The following NAP1L3 variants were observed in gnomAD, a reference collection of about 807,000 sequenced individuals.
NAP1L3 encodes nucleosome assembly protein 1 like 3.
For synonymous variants in NAP1L3, 127 were observed against 131.9 expected (o/e 0.96, Z 0.25); for missense variants, 378 against 369.9 (o/e 1.02, Z -0.18).
chrX:93,673,569 G>T lies in NAP1L3; in HGVS notation c.-265C>A. 5.7e-6 allele frequency: 2 copies of T among 353,331 alleles called. No individual in the cohort carries two copies. Among genetic ancestry groups the T allele is most frequent in the Non-Finnish European group, 1.0e-5 (2 of 200,944 alleles). 29.1% of individuals were successfully genotyped at this position (353,331 alleles called of 1,213,427 possible). A position where few individuals can be genotyped will look rare whatever the true frequency, so the allele number is the denominator to read the frequency against. On this transcript the variant is annotated 5_prime_UTR_variant, in exon 1 of 1. Coordinates refer to ENST00000373079, the MANE Select transcript of NAP1L3 (RefSeq NM_004538.6). ...GTGCCGAGATGTACCGCAGCCGAAT[G>T]GCGCAGTATGAGACCCCGAGATCTC...
Position 93,672,024 on chromosome X carries a change from A to T in NAP1L3, c.1281T>A (p.Ile427=). 1 of 1,199,884 alleles carries T rather than the reference A, an allele frequency of 8.3e-7. No individual in the cohort carries two copies. Among genetic ancestry groups the T allele is most frequent in the Non-Finnish European group, 1.1e-6 (1 of 888,496 alleles). The change falls in exon 1 of 1, where the codon ATT becomes ATA. Residue 427 remains isoleucine (I), a synonymous_variant. Transcript: ENST00000373079. ...TQSRTTATGE[I]EIQPRVVPNA... is the part of the protein sequence containing the mutation. ...TAGGAACCACTCTTGGCTGGATTTC[A>T]ATTTCTCCAGTAGCAGTTGTGCGAC...
Position 93,672,653 on chromosome X carries a change from C to T in NAP1L3, c.652G>A (p.Asp218Asn), listed in dbSNP as rs781623443. Residue 218 changes from aspartate (D) to asparagine (N), a missense_variant, in exon 1 of 1, where the codon GAT (aspartate) becomes AAT (asparagine). Physicochemically the swap from Asp to Asn is conservative, Grantham distance 23. Coordinates refer to ENST00000373079, the MANE Select transcript of NAP1L3 (RefSeq NM_004538.6). Reference protein sequence around the residue: ...EVPKEIPEVKDEEKEVPKEIP... With the variant: ...EVPKEIPEVKNEEKEVPKEIP... ...TCTTTAGGAACTTCCTTTTCTTCAT[C>T]CTTCACCTCAGGAATTTCTTTAGGA... 33 of 1,208,888 alleles carry T rather than the reference C, an allele frequency of 2.7e-5. No individual in the cohort carries two copies. The highest frequency in any genetic ancestry group is 3.5e-5 in the African/African-American group (2 of 56,880).
In NAP1L3 at chrX:93,671,790, T is replaced by G; in HGVS notation, c.1515A>C (p.Arg505Ser). 8.4e-7 allele frequency: 1 copy of G among 1,185,887 alleles called. No homozygotes were observed. The highest frequency in any genetic ancestry group is 1.1e-6 in the Non-Finnish European group (1 of 883,466). The change falls in exon 1 of 1, where the codon AGA becomes AGC. Residue 505 changes from arginine to serine, a missense_variant. Coordinates refer to ENST00000373079, the MANE Select transcript of NAP1L3 (RefSeq NM_004538.6). Reference protein sequence around the residue: ...FGKHYGNKKYRK With the variant: ...FGKHYGNKKYSK ...AAAAATCTTTCAGATTGACTTATTT[T>G]CTGTATTTCTTGTTTCCATAATGTT...
At position 93,672,441 on chromosome X, in the gene NAP1L3, C is replaced by T. The variant is rs148356822; in HGVS notation, c.864G>A (p.Arg288=). Residue 288 remains arginine, a synonymous_variant, in exon 1 of 1, where the codon AGG becomes AGA. Coordinates refer to ENST00000373079, the MANE Select transcript of NAP1L3 (RefSeq NM_004538.6). ...TTTTAAGATCTACACTGTCCTGAAG[C>T]CTTTCCTCAGGAACTCTTTTATGAG... is the stretch of plus-strand genomic sequence containing the variant. ...RETHKRVPEE[R]LQDSVDLKRA... 6.6e-6 allele frequency: 8 copies of T among 1,209,607 alleles called. No individual in the cohort carries two copies. Among genetic ancestry groups the T allele is most frequent in the African/African-American group, 1.8e-5 (1 of 57,036 alleles).
In NAP1L3 at chrX:93,673,147, C is replaced by CCACTAGTGCTGCTGCCGCTGCTGCTGT; in HGVS notation, c.157_158insACAGCAGCAGCGGCAGCAGCACTAGTG (p.Ser52_Gly53insAspSerSerSerGlySerSerThrSer). The CCACTAGTGCTGCTGCCGCTGCTGCTGT allele has an allele frequency of 1.7e-6, 2 of 1,208,157 alleles. No homozygotes were observed. Among genetic ancestry groups the CCACTAGTGCTGCTGCCGCTGCTGCTGT allele is most frequent in the African/African-American group, 1.8e-5 (1 of 56,998 alleles). On this transcript the variant is annotated inframe_insertion, in exon 1 of 1. Transcript: ENST00000373079. Reference sequence around the variant, plus strand: ...GCTGCTGCCGCTGCCGCTGCTGCTGCCACTAGTGCTGCTGCTGCTGCTGCT... The same window carrying CCACTAGTGCTGCTGCCGCTGCTGCTGT: ...GCTGCTGCCGCTGCCGCTGCTGCTGCCACTAGTGCTGCTGCCGCTGCTGCTGTCACTAGTGCTGCTGCTGCTGCTGCT...
chrX:93,672,971 T>C lies in NAP1L3; in HGVS notation c.334A>G (p.Arg112Gly). The change falls in exon 1 of 1, where the codon AGA becomes GGA. Residue 112 changes from arginine (R) to glycine (G), a missense_variant. Transcript: ENST00000373079. ...TTGTCACATTCATCTTGAATGTTTCTAAGCGCTTGCACACGATTTCTAACT... is the reference window on the plus strand; with the variant it reads ...TTGTCACATTCATCTTGAATGTTTCCAAGCGCTTGCACACGATTTCTAACT... ...QAVRNRVQAL[R>G]NIQDECDKVD... The C allele has an allele frequency of 1.7e-6, 2 of 1,212,104 alleles. No individual in the cohort carries two copies. Among genetic ancestry groups the C allele is most frequent in the Non-Finnish European group, 2.2e-6 (2 of 895,614 alleles).
Position 93,673,417 on chromosome X carries a change from G to C in NAP1L3, c.-113C>G. ...AGGCCCGGGCTGCGGAGGTGGCAGC[G>C]GCGATGGCAGCAGCGGCGCAGAGCG... On this transcript the variant is annotated 5_prime_UTR_variant, in exon 1 of 1. Coordinates refer to ENST00000373079, the MANE Select transcript of NAP1L3 (RefSeq NM_004538.6). 2.8e-6 allele frequency: 3 copies of C among 1,074,141 alleles called. No homozygotes were observed. In the African/African-American group the frequency reaches 5.6e-5, roughly 20 times the overall value. The allele number at this position is 1,074,141 out of a possible 1,213,427, so 88.5% of individuals were successfully genotyped here. A position where few individuals can be genotyped will look rare whatever the true frequency, so the allele number is the denominator to read the frequency against.
rs776959499 is a variant in NAP1L3 at position 93,672,327 on chromosome X, C to T, written c.978G>A (p.Gly326=). The change falls in exon 1 of 1, where the codon GGG becomes GGA. Residue 326 remains glycine (G), a synonymous_variant. Transcript: ENST00000373079. ...GCTCATCATACTTCTGAATCATAGG[C>T]CCGAGCTTGTCAACATTCTTTAAAA... ...LIVLKNVDKL[G]PMIQKYDEPI... is the part of the protein sequence containing the mutation. 8.3e-7 allele frequency: 1 copy of T among 1,211,538 alleles called. No individual in the cohort carries two copies. Among genetic ancestry groups the T allele is most frequent in the Admixed American group, 2.2e-5 (1 of 46,017 alleles).
chrX:93,672,571 G>A lies in NAP1L3; in HGVS notation c.734C>T (p.Thr245Ile). 1.7e-6 allele frequency: 2 copies of A among 1,211,259 alleles called. No individual in the cohort carries two copies. The highest frequency in any genetic ancestry group is 2.2e-6 in the Non-Finnish European group (2 of 895,438). ...KADSKDCMEATPEVKEDPKEV... is the reference protein window; with the variant it reads ...KADSKDCMEAIPEVKEDPKEV... ...TTTAGGATCTTCTTTTACTTCAGGG[G>A]TTGCCTCCATACAGTCTTTAGAATC... Residue 245 changes from threonine (T) to isoleucine (I), a missense_variant, in exon 1 of 1, where the codon ACC (threonine) becomes ATC (isoleucine). Transcript: ENST00000373079.
In NAP1L3 at chrX:93,672,282, C is replaced by T. The variant is rs781138424; in HGVS notation, c.1023G>A (p.Ser341=). The T allele has an allele frequency of 9.1e-6, 11 of 1,209,727 alleles. No individual in the cohort carries two copies. The South Asian group carries it at 1.8e-4, about 19-fold the overall frequency. The change falls in exon 1 of 1, where the codon TCG becomes TCA. Residue 341 remains serine, a synonymous_variant. Coordinates refer to ENST00000373079, the MANE Select transcript of NAP1L3 (RefSeq NM_004538.6). ...GTTTTGAGAACTTCAGGCTAACATC[C>T]GACAAGAACTTCAGAATGGGCTCAT... is the stretch of plus-strand genomic sequence containing the variant. The part of the protein sequence containing the change: ...KYDEPILKFL[S]DVSLKFSKPG...
chrX:93,672,941 C>G lies in NAP1L3; in HGVS notation c.364G>C (p.Asp122His). The change falls in exon 1 of 1, where the codon GAT (aspartate) becomes CAT (histidine). Residue 122 changes from aspartate (D) to histidine (H), a missense_variant. Transcript: ENST00000373079. ...TGAATTGCTTTTAAGAACAGGGTAT[C>G]TACCTTGTCACATTCATCTTGAATG... Reference protein sequence around the residue: ...RNIQDECDKVDTLFLKAIHDL... With the variant: ...RNIQDECDKVHTLFLKAIHDL... 1.7e-6 allele frequency: 2 copies of G among 1,211,846 alleles called. No homozygotes were observed.
In NAP1L3 at chrX:93,673,101, A is replaced by G. The variant is rs1399565785; in HGVS notation, c.204T>C (p.Thr68=). 4.1e-6 allele frequency: 5 copies of G among 1,205,930 alleles called. No homozygotes were observed. Among genetic ancestry groups the G allele is most frequent in the Non-Finnish European group, 4.5e-6 (4 of 893,068 alleles). Residue 68 remains threonine, a synonymous_variant, in exon 1 of 1, where the codon ACT becomes ACC. Transcript: ENST00000373079. ...SGSSSSSSGS[T]SSRSRLYRKK... is the part of the protein sequence containing the mutation. ...TTCTATACAAGCGGCTGCGGCTGCT[A>G]GTGCTGCCGCTGCTGCTGCTGCTGC...
chrX:93,672,359 G>T lies in NAP1L3; in HGVS notation c.946C>A (p.Leu316Met), dbSNP rs751057472. The stretch of plus-strand genomic sequence containing the variant: ...TTGTCAACATTCTTTAAAACAATCA[G>T]CCAATAGTCAGGAATGCCTTTAGGG... ...EDPKGIPDYW[L>M]IVLKNVDKLG... is the part of the protein sequence containing the mutation. Residue 316 changes from leucine to methionine, a missense_variant, in exon 1 of 1, where the codon CTG (leucine) becomes ATG (methionine). Leu to Met is a conservative substitution (Grantham distance 15). Transcript: ENST00000373079. 5.8e-6 allele frequency: 7 copies of T among 1,209,061 alleles called. No individual in the cohort carries two copies. The highest frequency in any genetic ancestry group is 7.8e-6 in the Non-Finnish European group (7 of 895,038).
chrX:93,673,115 T>TGCAGCTGCTGCTGCCGCTGCC lies in NAP1L3; in HGVS notation c.189_190insGGCAGCGGCAGCAGCAGCTGC (p.Ser63_Ser64insGlySerGlySerSerSerCys), dbSNP rs1556024071. ...CTGCGGCTGCTAGTGCTGCCGCTGC[T>TGCAGCTGCTGCTGCCGCTGCC]GCTGCTGCTGCTGCCGCTGCCGCTG... On this transcript the variant is annotated inframe_insertion, in exon 1 of 1. Coordinates refer to ENST00000373079, the MANE Select transcript of NAP1L3 (RefSeq NM_004538.6). 5 of 1,195,326 alleles carry TGCAGCTGCTGCTGCCGCTGCC rather than the reference T, an allele frequency of 4.2e-6. No individual in the cohort carries two copies. Among genetic ancestry groups the TGCAGCTGCTGCTGCCGCTGCC allele is most frequent in the Non-Finnish European group, 5.6e-6 (5 of 885,587 alleles).
Position 93,673,038 on chromosome X carries a change from C to A in NAP1L3, c.267G>T (p.Arg89=). The A allele has an allele frequency of 2.5e-6, 3 of 1,211,581 alleles. No individual in the cohort carries two copies. Among genetic ancestry groups the A allele is most frequent in the Non-Finnish European group, 3.3e-6 (3 of 895,534 alleles). The change falls in exon 1 of 1, where the codon CGG becomes CGT. Residue 89 remains arginine, a synonymous_variant. Coordinates refer to ENST00000373079, the MANE Select transcript of NAP1L3 (RefSeq NM_004538.6). ...RVPEPSRRAR[R]APLGTNFVDR... The stretch of plus-strand genomic sequence containing the variant: ...CCACGAAATTTGTTCCCAACGGGGC[C>A]CGCCGCGCCCTTCTGGAAGGCTCAG...
Position 93,672,039 on chromosome X carries a change from AG to A in NAP1L3, c.1265del (p.Thr422MetfsTer29), listed in dbSNP as rs1278837962. 1 of 1,198,604 alleles carries A rather than the reference AG, an allele frequency of 8.3e-7. No individual in the cohort carries two copies. Among genetic ancestry groups the A allele is most frequent in the Non-Finnish European group, 1.1e-6 (1 of 887,782 alleles). ...GCTGGATTTCAATTTCTCCAGTAGC[AG>A]TTGTGCGACTCTGGGTAGTTGTCAC... ...VTVTTTQSRTTATGEIEIQPR... is the reference protein window; with the variant it reads ...VTVTTTQSRTXATGEIEIQPR... On this transcript the variant is annotated frameshift_variant, in exon 1 of 1. Transcript: ENST00000373079. LOFTEE classifies it low-confidence loss of function (END_TRUNC).
Position 93,672,266 on chromosome X carries a change from A to G in NAP1L3, c.1039T>C (p.Phe347Leu). The G allele has an allele frequency of 8.3e-7, 1 of 1,211,673 alleles. No homozygotes were observed. ...LKFLSDVSLK[F>L]SKPGQPVSYT... The stretch of plus-strand genomic sequence containing the variant: ...CTTACAGGCTGGCCAGGTTTTGAGA[A>G]CTTCAGGCTAACATCCGACAAGAAC... Residue 347 changes from phenylalanine to leucine, a missense_variant, in exon 1 of 1, where the codon TTC (phenylalanine) becomes CTC (leucine). Coordinates refer to ENST00000373079, the MANE Select transcript of NAP1L3 (RefSeq NM_004538.6).
Position 93,673,153 on chromosome X carries a change from GTGCTGC to G in NAP1L3, c.146_151del (p.Ser49_Ser50del). ...GCCGCTGCCGCTGCTGCTGCCACTA[GTGCTGC>G]TGCTGCTGCTGCTGTCACTAGTGCT... On this transcript the variant is annotated inframe_deletion, in exon 1 of 1. Transcript: ENST00000373079. 8.3e-7 allele frequency: 1 copy of G among 1,206,515 alleles called. No homozygotes were observed. Among genetic ancestry groups the G allele is most frequent in the Non-Finnish European group, 1.1e-6 (1 of 892,597 alleles).
Position 93,672,840 on chromosome X carries a change from G to T in NAP1L3, c.465C>A (p.Tyr155Ter). Reference protein sequence around the residue: ...DRRFQIINAEYEPTEEECEWN... With the variant: ...DRRFQIINAE The stretch of plus-strand genomic sequence containing the variant: ...ATTCACATTCTTCTTCTGTAGGCTC[G>T]TATTCTGCATTGATGATTTGAAACC... The change falls in exon 1 of 1, where the codon TAC becomes TAA. Residue 155 changes from tyrosine (Y) to a stop codon, truncating the protein, a stop_gained. Transcript: ENST00000373079. LOFTEE classifies it low-confidence loss of function (END_TRUNC). 8.3e-7 allele frequency: 1 copy of T among 1,211,101 alleles called. No homozygotes were observed. Among genetic ancestry groups the T allele is most frequent in the Non-Finnish European group, 1.1e-6 (1 of 895,458 alleles).
Sources: allele counts gnomAD v4.1 joint callset, GRCh38; gene constraint gnomAD v4.1.1; transcripts MANE v1.5; gene names NCBI Gene and HGNC (gene_info 2026-07-23, HGNC 2026-07-21).